Variants in APCDD1L observed in about 807,000 individuals in gnomAD.
APCDD1L encodes protein APCDD1-like.
A neutral mutation model predicts 24.2 loss-of-function variants in APCDD1L; 21 were observed. The observed-to-expected ratio is 0.87, with a 90% CI of 0.61 to 1.25. The LOEUF is 1.25. Ranked by LOEUF, APCDD1L falls within the 50% of genes most tolerant of loss-of-function variation. The probability of loss-of-function intolerance (pLI) is 0.00; values close to 1 mark genes in which losing one functional copy is unlikely to be tolerated. For missense variants in APCDD1L, 704 were observed against 711.7 expected, an observed-to-expected ratio of 0.99 and a Z score of 0.12; for synonymous variants, 321 against 323.6, an observed-to-expected ratio of 0.99 and a Z score of 0.09.
intron 3 of APCDD1L, among the ~76,000 whole-genome samples, chr20:58,463,905 G>A (rs1409642424): frequency 2.5e-5 from 3 of 121,038 alleles, no homozygotes; most frequent in Non-Finnish European, 5.3e-5. Context: ...GGGGGGGGGG[G>A]GCGTCACATT....
chr20:58,482,997 C>T (rs899943310), intron 1 of APCDD1L, among the ~76,000 whole-genome samples: 19 of 152,284 alleles, frequency 1.2e-4, no homozygotes, highest in Admixed American at 2.6e-4. Flanking sequence ...GCCAATTATT[C>T]TGCCCAGTAC....
chr20:58,489,103 C>T (rs777273603), intron 1 of APCDD1L, among the ~76,000 whole-genome samples: 1 of 152,104 alleles, frequency 6.6e-6, no homozygotes, highest in East Asian at 1.9e-4. Flanking sequence ...AGTTTATGAT[C>T]CAATGTGTGT....
chr20:58,469,267 G>A (rs913770888), intron 2 of APCDD1L, among the ~76,000 whole-genome samples: 1 of 152,166 alleles, frequency 6.6e-6, no homozygotes, highest in African/African-American at 2.4e-5. Flanking sequence ...ATAAAAGCAA[G>A]TTGGTTTACA....
In APCDD1L at chr20:58,461,771, G is replaced by A. The variant is rs1430218692; in HGVS notation, c.742-217C>T. The A allele has an allele frequency of 2.6e-5, 11 of 423,372 alleles. No individual in the cohort carries two copies. In the East Asian group the frequency reaches 2.8e-4, roughly 11 times the overall value. 26.2% of individuals were successfully genotyped at this position (423,372 alleles called of 1,614,324 possible). On this transcript the variant is annotated intron_variant, in intron 3 of 3. Transcript: ENST00000371149. This position sits in a 1 kb window ranked among gnomAD's most constrained non-coding sequence, Gnocchi z 6.0. ...ATGGAGGTCAGCCCCTGTATCCCCCGGGCCTTGGGTCTCCTGCTGTCTCTT... is the reference window on the plus strand; with the variant it reads ...ATGGAGGTCAGCCCCTGTATCCCCCAGGCCTTGGGTCTCCTGCTGTCTCTT...
chr20:58,470,460 G>T, intron 2 of APCDD1L, 149 bp downstream of exon 2: 1 of 1,135,978 alleles, frequency 8.8e-7, no homozygotes. Context: ...ACTCTGGGAG[G>T]GGAGGCAAGC....
chr20:58,474,630 G>T (rs2123146825), intron 1 of APCDD1L, among the ~76,000 whole-genome samples: 1 of 152,352 alleles, frequency 6.6e-6, no homozygotes, highest in South Asian at 2.1e-4. Flanking sequence ...CTTGAACCCA[G>T]GAGGCAGAGG....
chr20:58,475,556 G>A (rs755498316), intron 1 of APCDD1L, among the ~76,000 whole-genome samples: 29 of 152,148 alleles, frequency 1.9e-4, no homozygotes, highest in Admixed American at 1.3e-3. Flanking sequence ...CAAGGGACTC[G>A]TGGGTGTGGT....
At chr20:58,473,026 C>T (rs1200299192) in intron 1 of APCDD1L, among the ~76,000 whole-genome samples, 2 of 152,146 alleles carry the variant, frequency 1.3e-5, no homozygotes, top group Non-Finnish European at 2.9e-5. Context: ...TCAGTGTCAA[C>T]GAAACCTGTC....
At chr20:58,474,574 C>T (rs1403615673) in intron 1 of APCDD1L, among the ~76,000 whole-genome samples, 6 of 151,982 alleles carry the variant, frequency 3.9e-5, no homozygotes, top group African/African-American at 4.8e-5. Flanking sequence ...CATGGTGGCG[C>T]GCACCTGTAA....
At position 58,461,092 on chromosome 20, in the gene APCDD1L, G is replaced by C; in HGVS notation, c.1204C>G (p.Leu402Val). Residue 402 changes from leucine to valine, a missense_variant, in exon 4 of 4, where the codon CTG (leucine) becomes GTG (valine). Transcript: ENST00000371149. This position sits in a 1 kb window ranked among gnomAD's most constrained non-coding sequence, Gnocchi z 6.0. ...DVTATNGCLP[L>V]GIRLPHVEYE... ...TCCACATGCGGGAGCCGGATGCCCA[G>C]CGGTAGGCAGCCGTTGGTGGCTGTG... The C allele has an allele frequency of 3.1e-6, 5 of 1,614,054 alleles. No individual in the cohort carries two copies. The highest frequency in any genetic ancestry group is 4.2e-6 in the Non-Finnish European group (5 of 1,179,980).
intron 1 of APCDD1L, among the ~76,000 whole-genome samples, chr20:58,487,293 T>C (rs1990136895): frequency 6.6e-6 from 1 of 152,046 alleles, no homozygotes; most frequent in African/African-American, 2.4e-5. Flanking sequence ...ATAATTAAGA[T>C]ATTATAATTT....
intron 1 of APCDD1L, among the ~76,000 whole-genome samples, chr20:58,505,297 T>A (rs1990511599): frequency 6.6e-6 from 1 of 152,194 alleles, no homozygotes; most frequent in African/African-American, 2.4e-5. Context: ...ACTTCTGAAC[T>A]CAAGTGATTC....
chr20:58,464,893 T>C, intron 3 of APCDD1L, among the ~76,000 whole-genome samples: 1 of 150,700 alleles, frequency 6.6e-6, no homozygotes, highest in East Asian at 2.0e-4. Context: ...GGGCCATTGG[T>C]GAGCAGACCT....
At chr20:58,505,063 CAT>C (rs1990507748) in intron 1 of APCDD1L, among the ~76,000 whole-genome samples, 1 of 152,088 alleles carries the variant, frequency 6.6e-6, no homozygotes, top group Admixed American at 6.6e-5. Context: ...CAGAGAAAAA[CAT>C]AGAGACAAAG....
At chr20:58,479,937 C>T (rs1989993005) in intron 1 of APCDD1L, among the ~76,000 whole-genome samples, 1 of 152,176 alleles carries the variant, frequency 6.6e-6, no homozygotes, top group South Asian at 2.1e-4. Flanking sequence ...GGGTTTGCAC[C>T]AGAACACCCC....
At chr20:58,500,011 G>A (rs1469315952) in intron 1 of APCDD1L, among the ~76,000 whole-genome samples, 1 of 152,126 alleles carries the variant, frequency 6.6e-6, no homozygotes, top group Non-Finnish European at 1.5e-5. Context: ...AAAAACACAT[G>A]TAAATATTTT....
Position 58,460,712 on chromosome 20 carries a change from C to T in APCDD1L, c.*78G>A. The stretch of plus-strand genomic sequence containing the variant: ...ATGACAGAGCAGAGGAGAATGGTTC[C>T]TTCCCTACAGCTGCCAGGAGGGAGT... On this transcript the variant is annotated 3_prime_UTR_variant, in exon 4 of 4. Transcript: ENST00000371149. The surrounding 1 kb of genome is among the most constrained non-coding windows in gnomAD (Gnocchi z 4.2). 1 of 1,448,832 alleles carries T rather than the reference C, an allele frequency of 6.9e-7. No individual in the cohort carries two copies. The highest frequency in any genetic ancestry group is 9.2e-7 in the Non-Finnish European group (1 of 1,088,392). The allele number at this position is 1,448,832 out of a possible 1,614,324, so 89.7% of individuals were successfully genotyped here. A position where few individuals can be genotyped will look rare whatever the true frequency, so the allele number is the denominator to read the frequency against.
intron 1 of APCDD1L, among the ~76,000 whole-genome samples, chr20:58,477,679 C>G (rs1989936061): frequency 6.6e-6 from 1 of 152,224 alleles, no homozygotes; most frequent in African/African-American, 2.4e-5. Context: ...ATTATACATT[C>G]CCTCACTAAT....
At chr20:58,473,435 G>A (rs187907483) in intron 1 of APCDD1L, among the ~76,000 whole-genome samples, 2 of 152,312 alleles carry the variant, frequency 1.3e-5, no homozygotes, top group Admixed American at 1.3e-4. Context: ...ACACAAATGC[G>A]AAGAGCTCCT....
Sources: gnomAD v4.1 joint callset for allele counts (sites outside exome capture counted in the v4.1 genomes callset) on GRCh38, gnomAD v4.1.1 for gene constraint, Gnocchi (gnomAD v3.1) non-coding constraint, MANE v1.5 for transcripts, NCBI Gene and HGNC (gene_info 2026-07-23, HGNC 2026-07-21) for gene names.